The following GLIS3 variants were observed in gnomAD, a reference collection of about 807,000 sequenced individuals.
The protein encoded by GLIS3 is GLIS family zinc finger 3.
GLIS3 carries 53 observed loss-of-function variants against 78.6 expected under a neutral mutation model. The ratio of observed to expected loss-of-function variants is 0.67; its 90% CI spans 0.54 to 0.85. The LOEUF is 0.85. GLIS3 is among the 40% of genes least tolerant of loss of function. GLIS3 has a pLI of 0.00. For missense variants in GLIS3, 1,703 were observed against 1,231.1 expected, an observed-to-expected ratio of 1.38 and a Z score of -5.74; for synonymous variants, 684 against 509.9, an observed-to-expected ratio of 1.34 and a Z score of -4.60.
intron 7 of GLIS3, among the ~76,000 whole-genome samples, chr9:3,882,758 G>C (rs937307887): frequency 3.3e-5 from 5 of 152,170 alleles, no homozygotes; most frequent in Non-Finnish European, 7.3e-5. Context: ...GAAAGGGAGG[G>C]CTTTAGGGTT....
At chr9:3,935,618 G>A (rs1306455392) in intron 5 of GLIS3, among the ~76,000 whole-genome samples, 4 of 152,100 alleles carry the variant, frequency 2.6e-5, no homozygotes, top group African/African-American at 7.2e-5. Context: ...TCTCATAAAT[G>A]TTCATTCTTC....
intron 4 of GLIS3, among the ~76,000 whole-genome samples, chr9:4,105,496 A>C (rs1476789476): frequency 2.0e-5 from 3 of 152,204 alleles, no homozygotes. Flanking sequence ...ATGTATAATC[A>C]GGCAACTAAA....
In GLIS3 at chr9:3,828,195, A is replaced by T. The variant is rs1381372384; in HGVS notation, c.*77T>A. On this transcript the variant is annotated 3_prime_UTR_variant, in exon 11 of 11. Coordinates refer to ENST00000381971, the MANE Select transcript of GLIS3 (RefSeq NM_001042413.2). ...ATTGGGCTGACATCCTTCCTCAAGC[A>T]GTCTGTGAGAGTACGAAAACAAAAG... 1 of 1,546,484 alleles carries T rather than the reference A, an allele frequency of 6.5e-7. No individual in the cohort carries two copies. Among genetic ancestry groups the T allele is most frequent in the East Asian group, 2.2e-5 (1 of 44,524 alleles).
At chr9:4,416,173 G>C in the GLIS3 span, among the ~76,000 whole-genome samples, 1 of 141,272 alleles carries the variant, frequency 7.1e-6, no homozygotes, top group East Asian at 2.3e-4. Context: ...GATCGCTTGA[G>C]CCCAGGAGGT....
chr9:4,338,391 C>CACACACAT (rs1554659909), intron 2 of GLIS3, among the ~76,000 whole-genome samples: 4 of 138,088 alleles, frequency 2.9e-5, no homozygotes, highest in African/African-American at 1.3e-4. Context: ...CACACACATA[C>CACACACAT]ACACACACAC....
At chr9:4,124,961 G>A (rs139035754) in intron 3 of GLIS3, among the ~76,000 whole-genome samples, 3 of 152,174 alleles carry the variant, frequency 2.0e-5, no homozygotes, top group African/African-American at 7.2e-5. Context: ...CTTAAACACT[G>A]TACAGTATTT....
chr9:4,158,229 G>A (rs1410046440), intron 2 of GLIS3, among the ~76,000 whole-genome samples: 3 of 151,950 alleles, frequency 2.0e-5, no homozygotes, highest in African/African-American at 7.3e-5. Context: ...CATCAATTCT[G>A]AGTTTCTCTT....
At chr9:3,941,220 T>C (rs1377497802) in intron 4 of GLIS3, among the ~76,000 whole-genome samples, 2 of 152,138 alleles carry the variant, frequency 1.3e-5, no homozygotes, top group Non-Finnish European at 2.9e-5. Context: ...CATTTCTAAT[T>C]CAGACAAGGG....
At chr9:3,908,688 C>T (rs981167453) in intron 6 of GLIS3, among the ~76,000 whole-genome samples, 60 of 132,362 alleles carry the variant, frequency 4.5e-4, no homozygotes, top group African/African-American at 1.7e-3. Context: ...AAGGCACCAT[C>T]AATTGTGATT....
rs374672527 is a variant in GLIS3 at position 4,235,577 on chromosome 9, A to G, written c.388+50461T>C. Among the ~76,000 whole-genome samples, 4 of 152,182 alleles carry G rather than the reference A, an allele frequency of 2.6e-5. No homozygotes were observed. In the East Asian group the frequency reaches 5.8e-4, roughly 22 times the overall value. On this transcript the variant is annotated intron_variant, in intron 2 of 10. Transcript: ENST00000381971. Reference sequence around the variant, plus strand: ...ACCCCCAGTTACTCCTACCGGCTCTAGACTAGCACCCTTTCCAATAGCCAG... The same window carrying G: ...ACCCCCAGTTACTCCTACCGGCTCTGGACTAGCACCCTTTCCAATAGCCAG...
chr9:4,130,782 T>C (rs1352058174), intron 2 of GLIS3, among the ~76,000 whole-genome samples: 2 of 152,070 alleles, frequency 1.3e-5, no homozygotes, highest in African/African-American at 2.4e-5. Flanking sequence ...CTCCACACAG[T>C]CTCCACTGCA....
intron 4 of GLIS3, among the ~76,000 whole-genome samples, chr9:4,050,448 T>G (rs979959171): frequency 1.1e-4 from 17 of 151,760 alleles, no homozygotes; most frequent in African/African-American, 3.4e-4. Context: ...GGCCTGTTGG[T>G]GGGTGGGGGT....
intron 4 of GLIS3, among the ~76,000 whole-genome samples, chr9:4,100,859 A>G (rs939308813): frequency 6.6e-6 from 1 of 152,178 alleles, no homozygotes; most frequent in Non-Finnish European, 1.5e-5. Context: ...ATGGAATTCT[A>G]CGTAATCTAT....
intron 2 of GLIS3, among the ~76,000 whole-genome samples, chr9:4,127,928 A>G (rs990151769): frequency 1.3e-5 from 2 of 152,214 alleles, no homozygotes; most frequent in Non-Finnish European, 1.5e-5. Context: ...ATGGCAAAAC[A>G]TACCAATAGA....
At chr9:4,242,071 C>A (rs954124028) in intron 2 of GLIS3, among the ~76,000 whole-genome samples, 18 of 152,186 alleles carry the variant, frequency 1.2e-4, no homozygotes, top group African/African-American at 4.3e-4. Flanking sequence ...TATCCTGCTG[C>A]TTTGGGTCTC....
chr9:4,289,010 T>A (rs527634387), intron 1 of GLIS3, among the ~76,000 whole-genome samples: 1 of 152,306 alleles, frequency 6.6e-6, no homozygotes, highest in South Asian at 2.1e-4. Context: ...TTTCTATACT[T>A]TTTAGCTAGG....
chr9:4,476,448 G>A, the GLIS3 span, among the ~76,000 whole-genome samples: 7 of 151,858 alleles, frequency 4.6e-5, no homozygotes, highest in South Asian at 6.2e-4. Flanking sequence ...TGCAACCTCC[G>A]CCTCCTGGGT....
intron 4 of GLIS3, among the ~76,000 whole-genome samples, chr9:4,094,491 A>T (rs1383221432): frequency 6.6e-6 from 1 of 152,208 alleles, no homozygotes; most frequent in Non-Finnish European, 1.5e-5. Flanking sequence ...GGATAATATG[A>T]TCCTCAACAA....
chr9:4,248,175 G>A (rs1026388651), intron 2 of GLIS3, among the ~76,000 whole-genome samples: 2 of 152,078 alleles, frequency 1.3e-5, no homozygotes, highest in African/African-American at 4.8e-5. Flanking sequence ...TGACATAATG[G>A]TTTGCTGCAC....
Sources: allele counts gnomAD v4.1 joint callset (sites outside exome capture counted in the v4.1 genomes callset), GRCh38; gene constraint gnomAD v4.1.1; transcripts MANE v1.5; gene names NCBI Gene and HGNC (gene_info 2026-07-23, HGNC 2026-07-21).